Variants in IQGAP3 observed in about 807,000 individuals in gnomAD.
The protein encoded by IQGAP3 is ras GTPase-activating-like protein IQGAP3.
In IQGAP3, 165 loss-of-function variants were observed where a neutral mutation model predicts 208.2. That is an observed-to-expected ratio of 0.79 (90% confidence interval 0.70 to 0.90). The LOEUF is 0.90. Among genes scored for constraint, IQGAP3 ranks in the 40% least tolerant of loss-of-function variants. The pLI is 0.00. For synonymous variants in IQGAP3, 703 were observed against 803.6 expected, an observed-to-expected ratio of 0.87 and a Z score of 2.12; for missense variants, 1,811 against 2,043.1, an observed-to-expected ratio of 0.89 and a Z score of 2.19.
In IQGAP3 at chr1:156,552,047, C is replaced by T; in HGVS notation, c.1497G>A (p.Glu499=). 1 of 1,614,162 alleles carries T rather than the reference C, an allele frequency of 6.2e-7. No homozygotes were observed. The highest frequency in any genetic ancestry group is 8.5e-7 in the Non-Finnish European group (1 of 1,180,014). The change falls in exon 14 of 38, where the codon GAG becomes GAA. Residue 499 remains glutamate, a synonymous_variant. Coordinates refer to ENST00000361170, the MANE Select transcript of IQGAP3 (RefSeq NM_178229.5). ...LKLRQERGMG[E]DFLSWNDLQA... is the part of the protein sequence containing the mutation. ...GCAGGTCATTCCAGCTCAGGAAGTCCTCACCCATCCCACGCTCCTGTCGCA... is the reference window on the plus strand; with the variant it reads ...GCAGGTCATTCCAGCTCAGGAAGTCTTCACCCATCCCACGCTCCTGTCGCA...
chr1:156,527,945 C>G lies in IQGAP3; in HGVS notation c.4782+7G>C, dbSNP rs763442203. The G allele has an allele frequency of 3.1e-6, 5 of 1,593,888 alleles. No individual in the cohort carries two copies. In the Admixed American group the frequency reaches 6.7e-5, roughly 21 times the overall value. On this transcript the variant is annotated splice_region_variant and intron_variant, in intron 37 of 37. Transcript: ENST00000361170. ...TGTCCTGCAGGCTCATGGGACTGTC[C>G]CCTCACCTGATAGTGAAGCTGAAAT...
intron 12 of IQGAP3, among the ~76,000 whole-genome samples, chr1:156,555,799 C>T (rs1675797675): frequency 6.6e-6 from 1 of 152,214 alleles, no homozygotes; most frequent in Admixed American, 6.5e-5. Flanking sequence ...CGCAGCCTGG[C>T]TCAAAAGTCC....
In IQGAP3 at chr1:156,533,072, C is replaced by T. The variant is rs1433637638; in HGVS notation, c.4011G>A (p.Leu1337=). Residue 1337 remains leucine, a synonymous_variant, in exon 32 of 38, where the codon CTG becomes CTA. Coordinates refer to ENST00000361170, the MANE Select transcript of IQGAP3 (RefSeq NM_178229.5). ...GCGTCAGGGACACTTCTAGCTTGCTCAGGTCCGTGTGCCCATCTGCAGCGA... is the reference window on the plus strand; with the variant it reads ...GCGTCAGGGACACTTCTAGCTTGCTTAGGTCCGTGTGCCCATCTGCAGCGA... ...ESIAADGHTD[L]SKLEVSLTLT... 6.2e-7 allele frequency: 1 copy of T among 1,613,930 alleles called. No homozygotes were observed. The highest frequency in any genetic ancestry group is 1.3e-5 in the African/African-American group (1 of 74,894).
At chr1:156,528,184 ACTCC>A in intron 36 of IQGAP3, 124 bp from the exon 37 acceptor site, 1 of 718,322 alleles carries the variant, frequency 1.4e-6, no homozygotes, top group Non-Finnish European at 2.4e-6. Context: ...TCCCTCTGTC[ACTCC>A]CAGAGGGCCC....
Position 156,539,873 on chromosome 1 carries a change from G to A in IQGAP3, c.2857C>T (p.Leu953=). 6.2e-7 allele frequency: 1 copy of A among 1,614,180 alleles called. No individual in the cohort carries two copies. The highest frequency in any genetic ancestry group is 8.5e-7 in the Non-Finnish European group (1 of 1,180,040). The part of the protein sequence containing the change: ...KSLSKEKRQK[L]EAYQHLFYLL... ...TAGAAGAGGTGTTGGTATGCTTCTA[G>A]TTTCTGCCGTTTCTCTTTGCTCAGC... The change falls in exon 24 of 38, where the codon CTA becomes TTA. Residue 953 remains leucine (L), a synonymous_variant. Coordinates refer to ENST00000361170, the MANE Select transcript of IQGAP3 (RefSeq NM_178229.5).
intron 16 of IQGAP3, among the ~76,000 whole-genome samples, chr1:156,549,461 ACT>A (rs1178838407): frequency 1.5e-5 from 2 of 134,776 alleles, no homozygotes; most frequent in Admixed American, 7.9e-5. Context: ...ACAGAGCAAC[ACT>A]CTGTCTCAAA....
At chr1:156,537,138 T>G in intron 27 of IQGAP3, 43 bp downstream of exon 27, 3 of 1,592,502 alleles carry the variant, frequency 1.9e-6, no homozygotes, top group Non-Finnish European at 2.6e-6. Flanking sequence ...CCTGGCCCTC[T>G]TGAAATCCCA....
chr1:156,546,403 C>T (rs1675247702), intron 19 of IQGAP3, among the ~76,000 whole-genome samples: 1 of 152,192 alleles, frequency 6.6e-6, no homozygotes, highest in Admixed American at 6.5e-5. Context: ...GACAAATGTT[C>T]CCTCTGACTC....
intron 12 of IQGAP3, among the ~76,000 whole-genome samples, chr1:156,556,035 C>T (rs887764222): frequency 6.6e-6 from 1 of 152,206 alleles, no homozygotes; most frequent in African/African-American, 2.4e-5. Flanking sequence ...CTGAAGACTT[C>T]TTCCACTTAT....
At position 156,563,214 on chromosome 1, in the gene IQGAP3, G is replaced by T. The variant is rs1358066620; in HGVS notation, c.718C>A (p.Leu240Ile). ...LQNPSALLEN[L>I]REPLAAVYQE... The stretch of plus-strand genomic sequence containing the variant: ...TAGACGGCTGCCAGAGGCTCTCGGA[G>T]ATTCTCCAGAAGAGCACTGGGATTC... The change falls in exon 8 of 38, where the codon CTC becomes ATC. Residue 240 changes from leucine (L) to isoleucine (I), a missense_variant. Physicochemically the swap from Leu to Ile is conservative, Grantham distance 5 (BLOSUM62 2). Transcript: ENST00000361170. 1.9e-6 allele frequency: 3 copies of T among 1,613,308 alleles called. No homozygotes were observed. Among genetic ancestry groups the T allele is most frequent in the African/African-American group, 2.7e-5 (2 of 74,928 alleles).
Position 156,562,621 on chromosome 1 carries a change from C to G in IQGAP3, c.843G>C (p.Gln281His). ...GGTTGATATTGCCCTGGATTTCAGCCTGAGTTAGGTAGTGGTCATAGATGT... is the reference window on the plus strand; with the variant it reads ...GGTTGATATTGCCCTGGATTTCAGCGTGAGTTAGGTAGTGGTCATAGATGT... ...SQDIYDHYLT[Q>H]AEIQGNINHV... Residue 281 changes from glutamine (Q) to histidine (H), a missense_variant, in exon 9 of 38, where the codon CAG becomes CAC. Gln to His is a conservative substitution (Grantham distance 24, BLOSUM62 0). Coordinates refer to ENST00000361170, the MANE Select transcript of IQGAP3 (RefSeq NM_178229.5). 1 of 1,614,178 alleles carries G rather than the reference C, an allele frequency of 6.2e-7. No individual in the cohort carries two copies. Among genetic ancestry groups the G allele is most frequent in the Non-Finnish European group, 8.5e-7 (1 of 1,180,022 alleles).
rs1456308187 is a variant in IQGAP3 at position 156,556,592 on chromosome 1, A to T, written c.1231T>A (p.Tyr411Asn). The stretch of plus-strand genomic sequence containing the variant: ...TGGTACATAGACGATGCAACAGGGT[A>T]CACTGGAGGCAGCTGGGCCTCAGGG... ...MCPEAQLPPVYPVASSMYQLE... is the reference protein window; with the variant it reads ...MCPEAQLPPVNPVASSMYQLE... Residue 411 changes from tyrosine to asparagine, a missense_variant, in exon 12 of 38, where the codon TAC becomes AAC. By Grantham distance (143) the Tyr-to-Asn change is moderately radical (BLOSUM62 -2). Transcript: ENST00000361170. The T allele has an allele frequency of 6.2e-7, 1 of 1,613,528 alleles. No individual in the cohort carries two copies. The highest frequency in any genetic ancestry group is 1.7e-5 in the Admixed American group (1 of 59,978).
At chr1:156,563,381 A>T (rs1434772225) in intron 7 of IQGAP3, 69 bp from the exon 8 acceptor site, 7 of 1,485,050 alleles carry the variant, frequency 4.7e-6, no homozygotes, top group Non-Finnish European at 6.4e-6. Context: ...AACCAGTAGC[A>T]GCCCACTCTA....
chr1:156,538,933 G>T lies in IQGAP3; in HGVS notation c.3157C>A (p.Gln1053Lys), dbSNP rs1674843438. ...TGGATAACCTTGCCCAGAATCTCCT[G>T]CAGGGCACTCTGTCCCCGCCCATTA... is the stretch of plus-strand genomic sequence containing the variant. ...YRNGRGQSAL[Q>K]EILGKVIQDV... Residue 1053 changes from glutamine to lysine, a missense_variant, in exon 26 of 38, where the codon CAG (glutamine) becomes AAG (lysine). Coordinates refer to ENST00000361170, the MANE Select transcript of IQGAP3 (RefSeq NM_178229.5). The T allele has an allele frequency of 6.2e-7, 1 of 1,613,944 alleles. No individual in the cohort carries two copies. Among genetic ancestry groups the T allele is most frequent in the South Asian group, 1.1e-5 (1 of 91,078 alleles).
At chr1:156,544,263 C>T in intron 20 of IQGAP3, 40 bp from the exon 21 acceptor site, 3 of 1,605,160 alleles carry the variant, frequency 1.9e-6, no homozygotes, top group Non-Finnish European at 2.6e-6. Flanking sequence ...CAGCTTGGGG[C>T]CCACCCTCAC....
chr1:156,549,942 TAC>T (rs1270360755), intron 16 of IQGAP3, among the ~76,000 whole-genome samples: 2 of 152,224 alleles, frequency 1.3e-5, no homozygotes, highest in Admixed American at 6.5e-5. Flanking sequence ...AAACTCAAGC[TAC>T]CAGCAGAAAT....
rs757569398 is a variant in IQGAP3 at position 156,528,605 on chromosome 1, G to A, written c.4577C>T (p.Ser1526Phe). ...AGAAGGCTGCTTCTTCCCCTTCCCAGAACTCCTGATTAAAAGAAGGCCCCA... is the reference window on the plus strand; with the variant it reads ...AGAAGGCTGCTTCTTCCCCTTCCCAAAACTCCTGATTAAAAGAAGGCCCCA... The part of the protein sequence containing the change: ...LDHLAPDSKS[S>F]GKGKKQPSLH... Residue 1526 changes from serine to phenylalanine, a missense_variant, in exon 36 of 38, where the codon TCT becomes TTT. Physicochemically the swap from Ser to Phe is radical, Grantham distance 155 (BLOSUM62 -2). Coordinates refer to ENST00000361170, the MANE Select transcript of IQGAP3 (RefSeq NM_178229.5). 5.6e-6 allele frequency: 9 copies of A among 1,611,540 alleles called. No homozygotes were observed. The highest frequency in any genetic ancestry group is 5.9e-6 in the Non-Finnish European group (7 of 1,178,152).
chr1:156,545,575 C>T (rs1675203393), intron 19 of IQGAP3, among the ~76,000 whole-genome samples: 1 of 151,430 alleles, frequency 6.6e-6, no homozygotes, highest in South Asian at 2.1e-4. Flanking sequence ...TCATGGCTCA[C>T]TGCAGCGTCA....
intron 13 of IQGAP3, among the ~76,000 whole-genome samples, chr1:156,553,253 CAG>C (rs767532226): frequency 6.2e-4 from 95 of 152,332 alleles, no homozygotes; most frequent in Non-Finnish European, 1.1e-3. Flanking sequence ...CTTCCTCACT[CAG>C]AGTAAAAACC....
Sources: allele counts gnomAD v4.1 joint callset (sites outside exome capture counted in the v4.1 genomes callset), GRCh38; gene constraint gnomAD v4.1.1; transcripts MANE v1.5; gene names NCBI Gene and HGNC (gene_info 2026-07-23, HGNC 2026-07-21).